The following DMGDH variants were observed in gnomAD, a reference collection of about 807,000 sequenced individuals.
DMGDH encodes dimethylglycine dehydrogenase, mitochondrial.
Under a neutral mutation model 95.2 loss-of-function variants are expected in DMGDH, and 76 were observed. The observed-to-expected ratio is 0.80, with a 90% CI of 0.66 to 0.97. DMGDH has a LOEUF of 0.97. DMGDH is among the 50% of genes least tolerant of loss of function. The probability of loss-of-function intolerance (pLI) is 0.00; values close to 1 mark genes in which losing one functional copy is unlikely to be tolerated. For missense variants in DMGDH, 987 were observed against 1,055.0 expected (o/e 0.94, Z 0.89); for synonymous variants, 345 against 377.6 (o/e 0.91, Z 1.00).
intron 7 of DMGDH, among the ~76,000 whole-genome samples, chr5:79,040,528 A>G (rs1404684679): frequency 1.3e-5 from 2 of 152,254 alleles, no homozygotes; most frequent in Admixed American, 6.5e-5. Context: ...ATAGGTTTAA[A>G]TCTTCACGAA....
At chr5:79,065,175 G>T (rs1471688823) in intron 1 of DMGDH, among the ~76,000 whole-genome samples, 1 of 151,300 alleles carries the variant, frequency 6.6e-6, no homozygotes, top group Non-Finnish European at 1.5e-5. Flanking sequence ...GTCTTCAGGG[G>T]CAATAACACA....
At chr5:79,053,619 T>C (rs2112662008) in intron 4 of DMGDH, among the ~76,000 whole-genome samples, 1 of 152,328 alleles carries the variant, frequency 6.6e-6, no homozygotes, top group Non-Finnish European at 1.5e-5. Flanking sequence ...GTGTTAGCCA[T>C]TGTTATTATT....
chr5:79,039,495 G>A (rs944594829), intron 7 of DMGDH, among the ~76,000 whole-genome samples: 1 of 152,000 alleles, frequency 6.6e-6, no homozygotes, highest in African/African-American at 2.4e-5. Context: ...CTCGTAGGTC[G>A]GAATTGAACA....
At chr5:79,056,245 T>C (rs1481882846) in intron 2 of DMGDH, among the ~76,000 whole-genome samples, 2 of 152,194 alleles carry the variant, frequency 1.3e-5, no homozygotes, top group East Asian at 1.9e-4. Context: ...TATAGTCCTA[T>C]GTATGACTAT....
intron 15 of DMGDH, among the ~76,000 whole-genome samples, chr5:79,001,393 A>C (rs953154504): frequency 2.0e-5 from 3 of 152,080 alleles, no homozygotes; most frequent in Admixed American, 6.5e-5. Context: ...GAACTCCTGA[A>C]CTCAAGTGAT....
chr5:79,058,367 T>A (rs1264909849), intron 2 of DMGDH, among the ~76,000 whole-genome samples: 1 of 152,232 alleles, frequency 6.6e-6, no homozygotes, highest in Non-Finnish European at 1.5e-5. Flanking sequence ...AGTGCCAGGC[T>A]TGAATATGAA....
intron 14 of DMGDH, chr5:79,021,156 T>C: frequency 1.0e-6 from 1 of 987,646 alleles, no homozygotes; most frequent in Non-Finnish European, 1.2e-6. Flanking sequence ...GCAGCTTTGG[T>C]CAAGGCTTCC....
intron 9 of DMGDH, 54 bp downstream of exon 9, chr5:79,032,633 C>T: frequency 1.2e-6 from 2 of 1,611,724 alleles, no homozygotes; most frequent in African/African-American, 1.3e-5. Flanking sequence ...TTTTTGCTGT[C>T]CCGTTGTTTC....
chr5:79,008,375 C>T (rs1753585600), intron 14 of DMGDH, among the ~76,000 whole-genome samples: 1 of 152,178 alleles, frequency 6.6e-6, no homozygotes, highest in Admixed American at 6.5e-5. Context: ...TACACAAAAA[C>T]ACCCCACAGA....
Position 78,998,249 on chromosome 5 carries a change from T to A in DMGDH, c.2434A>T (p.Ser812Cys), listed in dbSNP as rs758160407. 14 of 1,614,042 alleles carry A rather than the reference T, an allele frequency of 8.7e-6. No individual in the cohort carries two copies. Among genetic ancestry groups the A allele is most frequent in the Non-Finnish European group, 1.1e-5 (13 of 1,180,034 alleles). The change falls in exon 16 of 16, where the codon AGT becomes TGT. Residue 812 changes from serine (S) to cysteine (C), a missense_variant. By Grantham distance (112) the Ser-to-Cys change is moderately radical. Transcript: ENST00000255189. ...SGSYSYSIQKSLAFAYVPVQL... is the reference protein window; with the variant it reads ...SGSYSYSIQKCLAFAYVPVQL... ...ACAGGGACATATGCGAAAGCCAGACTCTTCTGGATGCTGTAGCTATAGCTT... is the reference window on the plus strand; with the variant it reads ...ACAGGGACATATGCGAAAGCCAGACACTTCTGGATGCTGTAGCTATAGCTT...
chr5:79,035,443 A>T (rs1289530872), intron 7 of DMGDH, among the ~76,000 whole-genome samples: 1 of 152,210 alleles, frequency 6.6e-6, no homozygotes, highest in African/African-American at 2.4e-5. Context: ...ACAGAGGCTA[A>T]ATAAAGTCAC....
At chr5:79,015,090 C>T (rs1387564625) in intron 14 of DMGDH, among the ~76,000 whole-genome samples, 1 of 152,110 alleles carries the variant, frequency 6.6e-6, no homozygotes, top group African/African-American at 2.4e-5. Context: ...TGCTCAGATG[C>T]CTTCTGGGAC....
chr5:79,028,289 C>T (rs568159965), intron 12 of DMGDH, 144 bp downstream of exon 12: 55 of 701,768 alleles, frequency 7.8e-5, no homozygotes, highest in African/African-American at 9.0e-5. Flanking sequence ...CCTCCAAAGT[C>T]GCATGGACAA....
Position 78,998,310 on chromosome 5 carries a change from A to C in DMGDH, c.2386-13T>G. On this transcript the variant is annotated splice_polypyrimidine_tract_variant and intron_variant, in intron 15 of 15. Coordinates refer to ENST00000255189, the MANE Select transcript of DMGDH (RefSeq NM_013391.3). The stretch of plus-strand genomic sequence containing the variant: ...TGTTGCCAACCACCTGGAAAACAAG[A>C]CCCAACAGTCCTCAGCATCTTGGTC... 1 of 1,608,194 alleles carries C rather than the reference A, an allele frequency of 6.2e-7. No homozygotes were observed. The highest frequency in any genetic ancestry group is 8.5e-7 in the Non-Finnish European group (1 of 1,176,516).
chr5:79,012,199 C>G (rs1214853384), intron 14 of DMGDH, among the ~76,000 whole-genome samples: 2 of 152,164 alleles, frequency 1.3e-5, no homozygotes, highest in Admixed American at 1.3e-4. Context: ...AAGGAAACAT[C>G]AGCCAAAAGA....
chr5:79,049,632 A>G (rs188331690), intron 5 of DMGDH, among the ~76,000 whole-genome samples: 99 of 152,350 alleles, frequency 6.5e-4, no homozygotes, highest in Non-Finnish European at 1.2e-3. Context: ...TACTTAGAAA[A>G]AAGTCTGAAT....
At chr5:79,009,360 C>CTTTT (rs372464439) in intron 14 of DMGDH, among the ~76,000 whole-genome samples, 11 of 107,780 alleles carry the variant, frequency 1.0e-4, no homozygotes, top group African/African-American at 2.7e-4. Context: ...CTTTTCTTTT[C>CTTTT]TTTTCTTTTT....
chr5:79,027,522 C>A (rs1754035117), intron 12 of DMGDH, among the ~76,000 whole-genome samples: 1 of 152,234 alleles, frequency 6.6e-6, no homozygotes, highest in Non-Finnish European at 1.5e-5. Context: ...AATGCCTGGG[C>A]ATGCAGTACT....
chr5:79,005,442 G>T (rs1753529156), intron 14 of DMGDH, 35 bp from the exon 15 acceptor site: 1 of 1,613,622 alleles, frequency 6.2e-7, no homozygotes, highest in Admixed American at 1.7e-5. Flanking sequence ...ATGAATGAAT[G>T]CTCAGACACT....
Sources: allele counts gnomAD v4.1 joint callset (sites outside exome capture counted in the v4.1 genomes callset), GRCh38; gene constraint gnomAD v4.1.1; transcripts MANE v1.5; gene names NCBI Gene and HGNC (gene_info 2026-07-23, HGNC 2026-07-21).